The following UTRN variants were observed in gnomAD, a reference collection of about 807,000 sequenced individuals.
UTRN encodes the protein utrophin, also known as dystrophin-related protein 1.
UTRN carries 283 observed loss-of-function variants against 463.9 expected under a neutral mutation model. That is an observed-to-expected ratio of 0.61 (90% confidence interval 0.55 to 0.67). The LOEUF (loss-of-function observed/expected upper bound fraction) is 0.67, where lower values mean the gene tolerates loss of function less well. UTRN is among the 30% of genes least tolerant of loss of function. UTRN has a pLI of 0.00. For missense variants in UTRN, 3,922 were observed against 4,084.3 expected, an observed-to-expected ratio of 0.96 and a Z score of 1.08; for synonymous variants, 1,442 against 1,431.5, an observed-to-expected ratio of 1.01 and a Z score of -0.17.
At chr6:144,471,077 A>G (rs985448723) in intron 23 of UTRN, among the ~76,000 whole-genome samples, 11 of 5,662 alleles carry the variant, frequency 1.9e-3, no homozygotes, top group East Asian at 0.011. Flanking sequence ...GGAGGGGGCG[A>G]GGGAGGGGGA....
intron 52 of UTRN, among the ~76,000 whole-genome samples, chr6:144,680,896 T>C (rs1782129249): frequency 1.3e-5 from 2 of 152,180 alleles, no homozygotes; most frequent in African/African-American, 4.8e-5. Context: ...GGGAAAAGAC[T>C]ATGGCTAACA....
At chr6:144,413,111 C>T (rs1303137570) in intron 3 of UTRN, among the ~76,000 whole-genome samples, 2 of 152,124 alleles carry the variant, frequency 1.3e-5, no homozygotes, top group Non-Finnish European at 2.9e-5. Flanking sequence ...TTCACCTTAA[C>T]GTGTTTGCCA....
intron 65 of UTRN, among the ~76,000 whole-genome samples, chr6:144,807,297 A>G (rs1323744818): frequency 6.6e-6 from 1 of 152,134 alleles, no homozygotes; most frequent in Non-Finnish European, 1.5e-5. Flanking sequence ...ATATCTGCTT[A>G]TGATTTATGG....
chr6:144,557,358 AT>A (rs758865953), intron 50 of UTRN, 47 bp downstream of exon 50: 2 of 1,567,822 alleles, frequency 1.3e-6, no homozygotes, highest in African/African-American at 1.4e-5. Context: ...CAAGTTGAGA[AT>A]TTGATGGCTT....
intron 2 of UTRN, among the ~76,000 whole-genome samples, chr6:144,379,485 G>A (rs914469383): frequency 1.3e-5 from 2 of 152,164 alleles, no homozygotes; most frequent in African/African-American, 2.4e-5. Context: ...ACAGTTTCTC[G>A]CCACGTGGGC....
intron 45 of UTRN, among the ~76,000 whole-genome samples, chr6:144,540,280 G>C (rs1240932883): frequency 6.6e-6 from 1 of 150,928 alleles, no homozygotes; most frequent in Non-Finnish European, 1.5e-5. Context: ...TTTTTTGTTT[G>C]ACCTGGTACA....
At chr6:144,808,448 A>G (rs1479570118) in intron 65 of UTRN, among the ~76,000 whole-genome samples, 1 of 152,122 alleles carries the variant, frequency 6.6e-6, no homozygotes, top group African/African-American at 2.4e-5. Flanking sequence ...CTTTAAAATC[A>G]TCTTTGTTGT....
chr6:144,537,419 T>C (rs1797636440), intron 43 of UTRN, among the ~76,000 whole-genome samples, 163 bp from the exon 44 acceptor site: 2 of 151,900 alleles, frequency 1.3e-5, no homozygotes, highest in African/African-American at 2.4e-5. Context: ...AATCTTTATA[T>C]TGTAGAATAT....
At position 144,752,853 on chromosome 6, in the gene UTRN, G is replaced by A. The variant is rs146506528; in HGVS notation, c.8355+901G>A. Among the ~76,000 whole-genome samples, 51 of 152,058 alleles carry A rather than the reference G, an allele frequency of 3.4e-4. No individual in the cohort carries two copies. In the East Asian group the frequency reaches 8.7e-3, roughly 26 times the overall value. ...TCACCATTTCCGAAGATTAGAAGTC[G>A]GGGAATATGTTATACTTGAAAGAAG... is the stretch of plus-strand genomic sequence containing the variant. On this transcript the variant is annotated intron_variant, in intron 56 of 74. Coordinates refer to ENST00000367545, the MANE Select transcript of UTRN (RefSeq NM_007124.3).
chr6:144,754,660 A>G, intron 56 of UTRN, 60 bp from the exon 57 acceptor site: 1 of 1,555,050 alleles, frequency 6.4e-7, no homozygotes, highest in Non-Finnish European at 8.8e-7. Context: ...CAAAAATATT[A>G]TTAAAGTTAT....
chr6:144,690,999 T>C (rs1195607211), intron 52 of UTRN, among the ~76,000 whole-genome samples: 1 of 152,216 alleles, frequency 6.6e-6, no homozygotes, highest in Non-Finnish European at 1.5e-5. Context: ...TATGAATCTT[T>C]ACACACTATT....
At chr6:144,364,116 G>A (rs1779305529) in intron 2 of UTRN, among the ~76,000 whole-genome samples, 1 of 152,194 alleles carries the variant, frequency 6.6e-6, no homozygotes, top group Admixed American at 6.5e-5. Flanking sequence ...TCTGGGCTCT[G>A]TTGATGAATT....
At chr6:144,732,241 T>TATATATATATAC (rs1788662390) in intron 54 of UTRN, among the ~76,000 whole-genome samples, 3 of 23,900 alleles carry the variant, frequency 1.3e-4, no homozygotes, top group Non-Finnish European at 1.9e-4. Flanking sequence ...TATATATACA[T>TATATATATATAC]ATATATATAT....
At chr6:144,583,019 C>T (rs959419070) in intron 51 of UTRN, among the ~76,000 whole-genome samples, 11 of 152,182 alleles carry the variant, frequency 7.2e-5, no homozygotes, top group South Asian at 6.2e-4. Flanking sequence ...TCTTTAGAGA[C>T]GGTGAATGCT....
intron 16 of UTRN, 47 bp downstream of exon 16, chr6:144,447,828 A>C (rs1224149465): frequency 6.5e-7 from 1 of 1,528,080 alleles, no homozygotes; most frequent in East Asian, 2.3e-5. Context: ...GTAAACATTT[A>C]AAATTTAAAT....
intron 2 of UTRN, among the ~76,000 whole-genome samples, chr6:144,310,842 C>T (rs73586986): frequency 0.016 from 2,500 of 152,312 alleles, 83 homozygotes; most frequent in African/African-American, 0.057. Context: ...TCAGTTCAAT[C>T]TTTGTTGATC....
intron 43 of UTRN, among the ~76,000 whole-genome samples, chr6:144,533,718 G>GTAATATAATA (rs10524732): frequency 0.11 from 16,666 of 148,572 alleles, 1,126 homozygotes; most frequent in South Asian, 0.19. Context: ...CTTCATCTAT[G>GTAATATAATA]TAATATAATA....
At chr6:144,330,580 G>A (rs1404749963) in intron 2 of UTRN, among the ~76,000 whole-genome samples, 1 of 152,220 alleles carries the variant, frequency 6.6e-6, no homozygotes, top group Non-Finnish European at 1.5e-5. Context: ...CCTGAGAAGA[G>A]AGGAAGTGCT....
At chr6:144,732,171 T>A (rs1355962591) in intron 54 of UTRN, among the ~76,000 whole-genome samples, 1 of 149,032 alleles carries the variant, frequency 6.7e-6, no homozygotes, top group Non-Finnish European at 1.5e-5. Flanking sequence ...CTTATATTTG[T>A]TATTTCTATC....
Sources: gnomAD v4.1 joint callset for allele counts (sites outside exome capture counted in the v4.1 genomes callset) on GRCh38, gnomAD v4.1.1 for gene constraint, MANE v1.5 for transcripts, NCBI Gene and HGNC (gene_info 2026-07-23, HGNC 2026-07-21) for gene names.